The following SGCZ variants were observed in gnomAD, a reference collection of about 807,000 sequenced individuals.
SGCZ encodes the protein zeta-sarcoglycan.
Under a neutral mutation model 41.3 loss-of-function variants are expected in SGCZ, and 40 were observed. The ratio of observed to expected loss-of-function variants is 0.97; its 90% CI spans 0.75 to 1.26. SGCZ has a LOEUF of 1.26. Among genes scored for constraint, SGCZ ranks in the 50% most tolerant of loss-of-function variants. The pLI is 0.00. For missense variants in SGCZ, 552 were observed against 369.8 expected, an observed-to-expected ratio of 1.49 and a Z score of -4.04; for synonymous variants, 206 against 137.5, an observed-to-expected ratio of 1.50 and a Z score of -3.49.
At chr8:14,594,711 GTC>G (rs1272272708) in intron 1 of SGCZ, among the ~76,000 whole-genome samples, 1 of 151,818 alleles carries the variant, frequency 6.6e-6, no homozygotes, top group Non-Finnish European at 1.5e-5. Flanking sequence ...ATGAATAACT[GTC>G]TGTGCGTTGG....
intron 2 of SGCZ, among the ~76,000 whole-genome samples, chr8:14,364,503 A>G (rs1407801420): frequency 2.6e-5 from 4 of 152,136 alleles, no homozygotes; most frequent in African/African-American, 9.6e-5. Context: ...ATACATTGCC[A>G]TTCTTCCATG....
At chr8:14,358,622 A>T (rs138665212) in intron 2 of SGCZ, among the ~76,000 whole-genome samples, 5,453 of 152,050 alleles carry the variant, frequency 0.036, 250 homozygotes, top group African/African-American at 0.11. Flanking sequence ...ATATATATAT[A>T]TTTTTTTGAG....
chr8:14,835,371 T>G (rs1476799083), intron 1 of SGCZ, among the ~76,000 whole-genome samples: 3 of 152,236 alleles, frequency 2.0e-5, no homozygotes, highest in Admixed American at 2.0e-4. Flanking sequence ...AATGATGACC[T>G]GAATATTTTC....
intron 1 of SGCZ, among the ~76,000 whole-genome samples, chr8:14,679,581 T>C (rs997486941): frequency 1.3e-5 from 2 of 151,798 alleles, no homozygotes; most frequent in African/African-American, 2.4e-5. Flanking sequence ...AATGGTTTTG[T>C]GCTTTAAGTG....
intron 1 of SGCZ, among the ~76,000 whole-genome samples, chr8:14,934,695 T>C (rs921045993): frequency 6.6e-6 from 1 of 151,710 alleles, no homozygotes; most frequent in Non-Finnish European, 1.5e-5. Flanking sequence ...TAATAAAGGA[T>C]AATTTTTTAA....
At chr8:15,193,450 A>G (rs1237559109) in intron 1 of SGCZ, among the ~76,000 whole-genome samples, 1 of 152,040 alleles carries the variant, frequency 6.6e-6, no homozygotes, top group Non-Finnish European at 1.5e-5. Flanking sequence ...TAAGCAATTC[A>G]TTTAATCCTT....
intron 2 of SGCZ, among the ~76,000 whole-genome samples, chr8:14,399,229 T>A (rs1178584275): frequency 6.6e-6 from 1 of 152,178 alleles, no homozygotes; most frequent in Non-Finnish European, 1.5e-5. Flanking sequence ...GAGTCCTTTT[T>A]ATTGAGATTT....
intron 1 of SGCZ, among the ~76,000 whole-genome samples, chr8:14,955,212 T>C (rs1800755081): frequency 6.6e-6 from 1 of 152,216 alleles, no homozygotes; most frequent in Admixed American, 6.5e-5. Flanking sequence ...CTATTTTCTA[T>C]ATGCTTGTCA....
intron 1 of SGCZ, among the ~76,000 whole-genome samples, chr8:14,880,267 C>T (rs559395718): frequency 1.2e-4 from 19 of 152,242 alleles, no homozygotes; most frequent in Middle Eastern, 3.4e-3. Flanking sequence ...CATCTCACAC[C>T]AGTTAGAATG....
intron 2 of SGCZ, among the ~76,000 whole-genome samples, chr8:14,367,838 C>T (rs938254996): frequency 2.0e-5 from 3 of 152,122 alleles, no homozygotes; most frequent in Admixed American, 2.0e-4. Flanking sequence ...ATTCCCTCTC[C>T]TTAGCATGCT....
rs367754958 is a variant in SGCZ at position 14,923,741 on chromosome 8, C to T, written c.39+313844G>A. Among the ~76,000 whole-genome samples the T allele has an allele frequency of 4.8e-4, 73 of 152,188 alleles. 1 individual carries two copies. The highest frequency in any genetic ancestry group is 1.7e-3 in the African/African-American group (70 of 41,526). On this transcript the variant is annotated intron_variant, in intron 1 of 7. Coordinates refer to ENST00000382080, the MANE Select transcript of SGCZ (RefSeq NM_139167.4). ...TCATTCTTTGCCGTATGCTTAGAGG[C>T]TATTGTTTATTTTTTAAATTCATGT...
chr8:15,183,673 T>A (rs913956138), intron 1 of SGCZ, among the ~76,000 whole-genome samples: 8 of 152,204 alleles, frequency 5.3e-5, no homozygotes, highest in African/African-American at 1.9e-4. Flanking sequence ...ATCACTAATA[T>A]CTTCTTGTTT....
intron 1 of SGCZ, among the ~76,000 whole-genome samples, chr8:14,704,015 T>A (rs564769345): frequency 1.2e-4 from 19 of 152,158 alleles, no homozygotes; most frequent in Admixed American, 4.6e-4. Flanking sequence ...TTCTTCTTCA[T>A]GAGAAATTAG....
At chr8:14,494,497 A>C (rs572553060) in intron 2 of SGCZ, among the ~76,000 whole-genome samples, 1 of 152,138 alleles carries the variant, frequency 6.6e-6, no homozygotes, top group Non-Finnish European at 1.5e-5. Flanking sequence ...AAGTTGATAA[A>C]GCTGAATACA....
At chr8:14,243,254 C>A (rs1461883817) in intron 3 of SGCZ, among the ~76,000 whole-genome samples, 2 of 152,120 alleles carry the variant, frequency 1.3e-5, no homozygotes, top group African/African-American at 2.4e-5. Context: ...GAAAAATTTT[C>A]TTCTCAGGGA....
chr8:14,960,443 A>C (rs1193026016), intron 1 of SGCZ, among the ~76,000 whole-genome samples: 1 of 152,072 alleles, frequency 6.6e-6, no homozygotes, highest in African/African-American at 2.4e-5. Context: ...ATTCAAATGA[A>C]ATTTTGCCAG....
intron 2 of SGCZ, among the ~76,000 whole-genome samples, chr8:14,336,787 G>C (rs1313895993): frequency 6.6e-6 from 1 of 152,124 alleles, no homozygotes; most frequent in African/African-American, 2.4e-5. Flanking sequence ...CTCAAACAAA[G>C]TAATCATCTC....
chr8:14,102,265 A>C lies in SGCZ; in HGVS notation c.744+111T>G, dbSNP rs965379987. 2.6e-5 allele frequency: 31 copies of C among 1,172,354 alleles called. No individual in the cohort carries two copies. The African/African-American group carries it at 4.7e-4, about 18-fold the overall frequency. 72.6% of individuals were successfully genotyped at this position (1,172,354 alleles called of 1,614,324 possible). Reference sequence around the variant, plus strand: ...ACTTTCCTAAGTTACAACTCCATTTATTTTCTACTGAAAGATATTCCTTCA... The same window carrying C: ...ACTTTCCTAAGTTACAACTCCATTTCTTTTCTACTGAAAGATATTCCTTCA... On this transcript the variant is annotated intron_variant, in intron 7 of 7. Coordinates refer to ENST00000382080, the MANE Select transcript of SGCZ (RefSeq NM_139167.4).
At chr8:14,651,844 T>A (rs979960233) in intron 1 of SGCZ, among the ~76,000 whole-genome samples, 4 of 152,016 alleles carry the variant, frequency 2.6e-5, no homozygotes, top group African/African-American at 9.7e-5. Flanking sequence ...AAGGACAGTA[T>A]CTTTGAATGT....
Sources: allele counts gnomAD v4.1 joint callset (sites outside exome capture counted in the v4.1 genomes callset), GRCh38; gene constraint gnomAD v4.1.1; transcripts MANE v1.5; gene names NCBI Gene and HGNC (gene_info 2026-07-23, HGNC 2026-07-21).